The following DIAPH2 variants were observed in gnomAD, a reference collection of about 807,000 sequenced individuals.
DIAPH2 encodes the protein diaphanous related formin 2, also known as protein diaphanous homolog 2.
DIAPH2 carries 35 observed loss-of-function variants against 92.7 expected under a neutral mutation model. The observed-to-expected ratio is 0.38, with a 90% CI of 0.29 to 0.50. The LOEUF (loss-of-function observed/expected upper bound fraction) is 0.50, where lower values mean the gene tolerates loss of function less well. Among genes scored for constraint, DIAPH2 ranks in the 20% least tolerant of loss-of-function variants. The pLI is 0.94. For missense variants in DIAPH2, 701 were observed against 819.5 expected, an observed-to-expected ratio of 0.86 and a Z score of 1.77; for synonymous variants, 301 against 280.4, an observed-to-expected ratio of 1.07 and a Z score of -0.73.
chrX:97,407,189 G>A (rs958129582), intron 25 of DIAPH2, among the ~76,000 whole-genome samples: 3 of 111,643 alleles, frequency 2.7e-5, no homozygotes, highest in Non-Finnish European at 5.7e-5. Context: ...CATGCCGAAA[G>A]TATAATGTAG....
intron 22 of DIAPH2, among the ~76,000 whole-genome samples, chrX:97,193,312 C>T (rs1405841990): frequency 9.0e-6 from 1 of 111,601 alleles, no homozygotes; most frequent in African/African-American, 3.3e-5. Context: ...CCGTGCCCAG[C>T]CCACATTTCT....
rs745878071 is a variant in DIAPH2, at chrX:96,930,790, C to T, written c.1036C>T (p.Arg346Ter). 3 of 1,201,775 alleles carry T rather than the reference C, an allele frequency of 2.5e-6. No homozygotes were observed. Among genetic ancestry groups the T allele is most frequent in the South Asian group, 1.8e-5 (1 of 54,635 alleles). Reference protein sequence around the residue: ...LVTSPYELDFRIHLRNEFLRS... With the variant: ...LVTSPYELDF Reference sequence around the variant, plus strand: ...CACTTCTCCTTATGAGCTTGATTTTCGAATACATTTAAGGAATGAATTCCT... The same window carrying T: ...CACTTCTCCTTATGAGCTTGATTTTTGAATACATTTAAGGAATGAATTCCT... Residue 346 changes from arginine (R) to a stop codon, truncating the protein, a stop_gained, in exon 10 of 27, where the codon CGA (arginine) becomes TGA (stop). Coordinates refer to ENST00000324765, the MANE Select transcript of DIAPH2 (RefSeq NM_006729.5). LOFTEE classifies it high-confidence loss of function.
chrX:97,202,377 A>G (rs1226233163), intron 22 of DIAPH2, among the ~76,000 whole-genome samples: 1 of 112,129 alleles, frequency 8.9e-6, no homozygotes, highest in African/African-American at 3.2e-5. Context: ...CAAATTGGAT[A>G]AAGAGTGAAG....
intron 23 of DIAPH2, among the ~76,000 whole-genome samples, chrX:97,251,448 T>C (rs940164190): frequency 9.1e-6 from 1 of 109,627 alleles, no homozygotes; most frequent in African/African-American, 3.3e-5. Flanking sequence ...TTTTTTTTTT[T>C]TGGAGACGGA....
intron 4 of DIAPH2, among the ~76,000 whole-genome samples, chrX:96,860,448 A>G (rs2065066768): frequency 8.9e-6 from 1 of 112,053 alleles, no homozygotes; most frequent in Non-Finnish European, 1.9e-5. Flanking sequence ...CATCTTTTCA[A>G]TTGGAAATCT....
At chrX:97,020,818 ATTGT>A (rs890123842) in intron 17 of DIAPH2, among the ~76,000 whole-genome samples, 1 of 109,874 alleles carries the variant, frequency 9.1e-6, no homozygotes, top group Non-Finnish European at 1.9e-5. Flanking sequence ...AAACTTATGA[ATTGT>A]TTATTTCTGG....
chrX:96,949,817 G>A (rs7065369), intron 15 of DIAPH2, among the ~76,000 whole-genome samples: 1,862 of 103,760 alleles, frequency 0.018, 44 homozygotes, highest in African/African-American at 0.062. Flanking sequence ...CCGAGATCCC[G>A]CCACTGCACT....
chrX:96,965,108 T>G lies in DIAPH2; in HGVS notation c.1951T>G (p.Leu651Val), dbSNP rs1353718669. Residue 651 changes from leucine (L) to valine (V), a missense_variant, in exon 17 of 27, where the codon TTA (leucine) becomes GTA (valine). Transcript: ENST00000324765. ...TTTGTTTCAGATTGAACCCACAGAA[T>G]TATCTGAGAACTGTTTCTGGTTAAG... ...INWSKIEPTE[L>V]SENCFWLRVK... is the part of the protein sequence containing the mutation. 1 of 1,195,823 alleles carries G rather than the reference T, an allele frequency of 8.4e-7. No individual in the cohort carries two copies. Among genetic ancestry groups the G allele is most frequent in the African/African-American group, 1.7e-5 (1 of 57,302 alleles).
chrX:97,107,618 T>C (rs779761281), intron 20 of DIAPH2, among the ~76,000 whole-genome samples: 11 of 112,000 alleles, frequency 9.8e-5, no homozygotes, highest in Non-Finnish European at 2.1e-4. Flanking sequence ...CTCATTTCTG[T>C]AGGCAGTTCT....
At chrX:96,748,065 A>G (rs2064161376) in intron 3 of DIAPH2, among the ~76,000 whole-genome samples, 1 of 112,202 alleles carries the variant, frequency 8.9e-6, no homozygotes, top group Non-Finnish European at 1.9e-5. Context: ...AAACTTACCC[A>G]GTAAACAGAT....
At chrX:96,705,466 C>T (rs921032596) in intron 1 of DIAPH2, among the ~76,000 whole-genome samples, 2 of 112,174 alleles carry the variant, frequency 1.8e-5, no homozygotes, top group Non-Finnish European at 3.8e-5. Flanking sequence ...GCAATGATTG[C>T]TTTTACAAGA....
chrX:97,088,611 C>G (rs1196861147), intron 19 of DIAPH2, among the ~76,000 whole-genome samples: 1 of 111,701 alleles, frequency 9.0e-6, no homozygotes, highest in Non-Finnish European at 1.9e-5. Context: ...TGGGTGAGCA[C>G]TCTATATTAA....
At chrX:96,707,257 C>G (rs960467514) in intron 1 of DIAPH2, among the ~76,000 whole-genome samples, 2 of 109,405 alleles carry the variant, frequency 1.8e-5, no homozygotes, top group Non-Finnish European at 3.8e-5. Context: ...CAACCTCTGC[C>G]TCCGGGGCTC....
intron 17 of DIAPH2, among the ~76,000 whole-genome samples, chrX:97,054,273 T>C (rs766119487): frequency 2.4e-4 from 27 of 112,345 alleles, no homozygotes; most frequent in Non-Finnish European, 4.3e-4. Flanking sequence ...TTTGGCAATA[T>C]AGTTCTTTCA....
chrX:96,798,360 T>C (rs2147645988), intron 4 of DIAPH2, among the ~76,000 whole-genome samples: 1 of 111,450 alleles, frequency 9.0e-6, no homozygotes, highest in Admixed American at 9.6e-5. Flanking sequence ...TTAATTTCAC[T>C]CATCTTTTCT....
intron 26 of DIAPH2, among the ~76,000 whole-genome samples, chrX:97,557,212 C>T (rs904562665): frequency 1.8e-5 from 2 of 111,591 alleles, no homozygotes; most frequent in Non-Finnish European, 1.9e-5. Flanking sequence ...AGATGGTAGA[C>T]GGCAGAGGAC....
intron 26 of DIAPH2, among the ~76,000 whole-genome samples, chrX:97,550,644 G>T (rs753854870): frequency 8.9e-6 from 1 of 111,919 alleles, no homozygotes; most frequent in East Asian, 2.8e-4. Flanking sequence ...TTTCTTCTGA[G>T]GAGTTAACAA....
intron 17 of DIAPH2, among the ~76,000 whole-genome samples, chrX:97,018,353 A>T (rs1602719678): frequency 8.9e-6 from 1 of 112,202 alleles, no homozygotes; most frequent in African/African-American, 3.2e-5. Flanking sequence ...TTTTTCAGAC[A>T]TTGTCAAATA....
intron 22 of DIAPH2, among the ~76,000 whole-genome samples, chrX:97,192,020 A>G (rs1344517444): frequency 8.9e-6 from 1 of 111,761 alleles, no homozygotes; most frequent in South Asian, 3.7e-4. Context: ...TGCTGAGTGC[A>G]GTGGCTCACA....
Sources: gnomAD v4.1 joint callset for allele counts (sites outside exome capture counted in the v4.1 genomes callset) on GRCh38, gnomAD v4.1.1 for gene constraint, MANE v1.5 for transcripts, NCBI Gene and HGNC (gene_info 2026-07-23, HGNC 2026-07-21) for gene names.